The following GNB4 variants were observed in gnomAD, a reference collection of about 807,000 sequenced individuals.
GNB4 encodes the protein guanine nucleotide-binding protein subunit beta-4.
A neutral mutation model predicts 45.2 loss-of-function variants in GNB4; 28 were observed. That is an observed-to-expected ratio of 0.62 (90% confidence interval 0.46 to 0.85). GNB4 has a LOEUF of 0.85. GNB4 is among the 40% of genes least tolerant of loss of function. The probability of loss-of-function intolerance (pLI) is 0.00; values close to 1 mark genes in which losing one functional copy is unlikely to be tolerated. For missense variants in GNB4, 321 were observed against 425.4 expected, an observed-to-expected ratio of 0.75 and a Z score of 2.16; for synonymous variants, 132 against 143.7, an observed-to-expected ratio of 0.92 and a Z score of 0.58.
chr3:179,513,835 A>G, the GNB4 span, among the ~76,000 whole-genome samples: 4,757 of 152,316 alleles, frequency 0.031, 218 homozygotes, highest in African/African-American at 0.1. Flanking sequence ...AATTAAAATA[A>G]TTCAGAAATA....
intron 1 of GNB4, among the ~76,000 whole-genome samples, chr3:179,435,306 T>C (rs932197977): frequency 6.6e-6 from 1 of 152,150 alleles, no homozygotes; most frequent in Non-Finnish European, 1.5e-5. Flanking sequence ...TGTACTTAAT[T>C]ATTCCTTCTT....
Position 179,405,399 on chromosome 3 carries a change from G to C in GNB4, c.707C>G (p.Pro236Arg), listed in dbSNP as rs984279911. 6.2e-7 allele frequency: 1 copy of C among 1,607,146 alleles called. No individual in the cohort carries two copies. Among genetic ancestry groups the C allele is most frequent in the African/African-American group, 1.3e-5 (1 of 74,740 alleles). The change falls in exon 9 of 10, where the codon CCA becomes CGA. Residue 236 changes from proline to arginine, a missense_variant. Pro to Arg is a moderately radical substitution (Grantham distance 103, BLOSUM62 -2). Coordinates refer to ENST00000232564, the MANE Select transcript of GNB4 (RefSeq NM_021629.4). ...GCCAGTGGCGAAGGCATATCCATTT[G>C]GGAAAAACTAGACAGGAAAGTAACA... is the stretch of plus-strand genomic sequence containing the variant. ...VSDINAVSFF[P>R]NGYAFATGSD...
the GNB4 span, among the ~76,000 whole-genome samples, chr3:179,499,277 C>T: frequency 6.6e-6 from 1 of 151,892 alleles, no homozygotes; most frequent in Admixed American, 6.6e-5. Context: ...CCTGCCTCAG[C>T]CTCCCGAGCA....
chr3:179,447,054 G>A (rs879746585), intron 1 of GNB4, among the ~76,000 whole-genome samples: 11 of 152,028 alleles, frequency 7.2e-5, no homozygotes, highest in Non-Finnish European at 1.5e-4. Flanking sequence ...CAGATAAGTC[G>A]TATGCAAGAA....
chr3:179,488,243 TC>T, the GNB4 span, among the ~76,000 whole-genome samples: 1 of 152,136 alleles, frequency 6.6e-6, no homozygotes, highest in African/African-American at 2.4e-5. Context: ...AGCCTTTGAG[TC>T]CCTGCTTCAT....
the GNB4 span, among the ~76,000 whole-genome samples, chr3:179,461,542 A>G: frequency 6.6e-6 from 1 of 152,098 alleles, no homozygotes; most frequent in Non-Finnish European, 1.5e-5. Context: ...TTTGGAAGGA[A>G]TTCCTAGGTT....
chr3:179,490,716 G>A, the GNB4 span, among the ~76,000 whole-genome samples: 2 of 152,140 alleles, frequency 1.3e-5, no homozygotes, highest in Admixed American at 1.3e-4. Context: ...CTTTGTTTTT[G>A]TTCTAGCTAA....
intron 1 of GNB4, among the ~76,000 whole-genome samples, chr3:179,427,173 A>T (rs546537782): frequency 9.9e-5 from 15 of 151,854 alleles, no homozygotes; most frequent in African/African-American, 3.6e-4. Context: ...AATCTGCCCA[A>T]ATGTGATCTT....
the GNB4 span, among the ~76,000 whole-genome samples, chr3:179,510,559 G>C: frequency 5.8e-4 from 88 of 151,338 alleles, 1 homozygote; most frequent in African/African-American, 2.1e-3. Flanking sequence ...AAAAGCAGAG[G>C]GGGGAAAAGA....
the GNB4 span, among the ~76,000 whole-genome samples, chr3:179,521,233 G>C: frequency 6.6e-6 from 1 of 152,114 alleles, no homozygotes; most frequent in Non-Finnish European, 1.5e-5. Context: ...GTCTGATAAC[G>C]GACCAGCCTT....
chr3:179,466,415 A>G, the GNB4 span, among the ~76,000 whole-genome samples: 4 of 152,348 alleles, frequency 2.6e-5, no homozygotes, highest in South Asian at 4.1e-4. Flanking sequence ...CTTTGGGCTA[A>G]GCAGAAGTAG....
intron 1 of GNB4, among the ~76,000 whole-genome samples, chr3:179,443,607 G>A (rs1361967158): frequency 2.0e-5 from 3 of 152,168 alleles, no homozygotes; most frequent in African/African-American, 7.2e-5. Flanking sequence ...GTCTTTCACT[G>A]TAGATTTCAT....
chr3:179,414,110 T>C (rs1432086057), intron 6 of GNB4, among the ~76,000 whole-genome samples: 1 of 152,162 alleles, frequency 6.6e-6, no homozygotes, highest in Non-Finnish European at 1.5e-5. Context: ...TTAAGCACCC[T>C]GGAGAAATAG....
chr3:179,451,949 C>G (rs1460096019), upstream of GNB4, among the ~76,000 whole-genome samples: 6 of 152,154 alleles, frequency 3.9e-5, no homozygotes, highest in Admixed American at 3.9e-4. Flanking sequence ...GCGTTGCAGT[C>G]CCCGCTCTTC....
chr3:179,460,885 A>G, the GNB4 span, among the ~76,000 whole-genome samples: 2 of 152,170 alleles, frequency 1.3e-5, no homozygotes, highest in African/African-American at 4.8e-5. Context: ...CCAAGACAAC[A>G]CTTCATTCCA....
At chr3:179,434,851 C>A (rs940189787) in intron 1 of GNB4, among the ~76,000 whole-genome samples, 9 of 151,652 alleles carry the variant, frequency 5.9e-5, no homozygotes, top group African/African-American at 2.2e-4. Context: ...GAGTTCAAGG[C>A]TGCAGTGAGC....
the GNB4 span, among the ~76,000 whole-genome samples, chr3:179,501,680 A>G: frequency 6.6e-6 from 1 of 152,124 alleles, no homozygotes; most frequent in East Asian, 1.9e-4. Context: ...TGAAATTTAA[A>G]ATGAACAAAA....
At chr3:179,458,067 G>A in the GNB4 span, among the ~76,000 whole-genome samples, 2 of 152,276 alleles carry the variant, frequency 1.3e-5, no homozygotes, top group East Asian at 1.9e-4. Context: ...ACCACGCTCA[G>A]GTAATTTTTG....
chr3:179,501,924 C>G, the GNB4 span, among the ~76,000 whole-genome samples: 1 of 152,074 alleles, frequency 6.6e-6, no homozygotes, highest in East Asian at 1.9e-4. Flanking sequence ...TGCACATGTG[C>G]TTATTTAATA....
Sources: gnomAD v4.1 joint callset for allele counts (sites outside exome capture counted in the v4.1 genomes callset) on GRCh38, gnomAD v4.1.1 for gene constraint, MANE v1.5 for transcripts, NCBI Gene and HGNC (gene_info 2026-07-23, HGNC 2026-07-21) for gene names.